Variants in PCED1B observed in about 807,000 individuals in gnomAD.
The protein encoded by PCED1B is PC-esterase domain-containing protein 1B.
For missense variants in PCED1B, 573 were observed against 573.9 expected, an observed-to-expected ratio of 1.00 and a Z score of 0.02; for synonymous variants, 251 against 246.1, an observed-to-expected ratio of 1.02 and a Z score of -0.19.
intron 2 of PCED1B, chr12:47,210,383 G>C (rs999556964): frequency 6.6e-6 from 1 of 152,210 alleles, no homozygotes; most frequent in African/African-American, 2.4e-5. Context: ...ATTGACATAT[G>C]ATTCAAAGAC....
intron 1 of PCED1B, among the ~76,000 whole-genome samples, chr12:47,085,335 G>C (rs1388926595): frequency 6.6e-6 from 1 of 152,208 alleles, no homozygotes; most frequent in African/African-American, 2.4e-5. Context: ...AGTTAGCACT[G>C]CCCTGGGCAG....
chr12:47,126,694 A>G (rs1005102024), intron 2 of PCED1B, among the ~76,000 whole-genome samples: 9 of 152,162 alleles, frequency 5.9e-5, no homozygotes, highest in Non-Finnish European at 8.8e-5. Flanking sequence ...AGAATTATTT[A>G]GGTTGTTTAT....
intron 2 of PCED1B, among the ~76,000 whole-genome samples, chr12:47,173,789 G>C: frequency 6.6e-6 from 1 of 152,162 alleles, no homozygotes. Flanking sequence ...TCTAAAAGGA[G>C]AGATTTCAGA....
chr12:47,193,873 ATTG>A (rs753613045), intron 2 of PCED1B, among the ~76,000 whole-genome samples: 4 of 152,166 alleles, frequency 2.6e-5, no homozygotes, highest in Non-Finnish European at 5.9e-5. Flanking sequence ...ATAACTGCAG[ATTG>A]TTGTTATTTT....
intron 2 of PCED1B, among the ~76,000 whole-genome samples, chr12:47,186,030 C>A (rs1942250061): frequency 6.6e-6 from 1 of 151,850 alleles, no homozygotes; most frequent in Non-Finnish European, 1.5e-5. Context: ...CCAGCCTGAC[C>A]AACATGGTGA....
intron 2 of PCED1B, among the ~76,000 whole-genome samples, chr12:47,188,122 G>T (rs1016106485): frequency 2.6e-4 from 39 of 152,140 alleles, no homozygotes; most frequent in African/African-American, 9.4e-4. Flanking sequence ...GCATTTTGTG[G>T]CTTTTAAAAA....
Position 47,232,352 on chromosome 12 carries a change from T to C in PCED1B, c.-57-2655T>C, listed in dbSNP as rs146460739. On this transcript the variant is annotated intron_variant, in intron 3 of 3. Coordinates refer to ENST00000546455, the MANE Select transcript of PCED1B (RefSeq NM_138371.3). ...AAATTCTTTGTGGGGAAGATGTCAA[T>C]ATTTTCAACTGTTCTCTTATGAAAC... Among the ~76,000 whole-genome samples, 19 of 152,344 alleles carry C rather than the reference T, an allele frequency of 1.2e-4. No homozygotes were observed. The East Asian group carries it at 3.7e-3, about 29-fold the overall frequency.
intron 2 of PCED1B, among the ~76,000 whole-genome samples, chr12:47,194,246 C>A (rs1341173923): frequency 6.6e-6 from 1 of 152,234 alleles, no homozygotes; most frequent in African/African-American, 2.4e-5. Flanking sequence ...ACGATCTCAG[C>A]TCACTGCAAC....
rs75292585 is a variant in PCED1B at position 47,139,251 on chromosome 12, A to G, written c.-526+35056A>G. Among the ~76,000 whole-genome samples the G allele has an allele frequency of 3.9e-3, 588 of 152,304 alleles. 3 individuals carry two copies. The highest frequency in any genetic ancestry group is 0.024 in the Middle Eastern group (7 of 294). On this transcript the variant is annotated intron_variant, in intron 2 of 3. Coordinates refer to ENST00000546455, the MANE Select transcript of PCED1B (RefSeq NM_138371.3). The stretch of plus-strand genomic sequence containing the variant: ...TGAGGATGTTAGACTAAATTAGATG[A>G]TTTCTAAGAACAACTTACATTTTAT...
intron 3 of PCED1B, among the ~76,000 whole-genome samples, chr12:47,230,547 G>T (rs1456138537): frequency 6.6e-6 from 1 of 151,208 alleles, no homozygotes. Flanking sequence ...AGGTTCAGGG[G>T]ATCTCCCGCC....
chr12:47,162,225 A>C (rs1941408444), intron 2 of PCED1B, among the ~76,000 whole-genome samples: 1 of 152,170 alleles, frequency 6.6e-6, no homozygotes, highest in Non-Finnish European at 1.5e-5. Flanking sequence ...ACAAACCTGC[A>C]CATTGTGCAC....
intron 2 of PCED1B, among the ~76,000 whole-genome samples, chr12:47,154,877 T>C (rs1941140755): frequency 1.3e-5 from 2 of 152,050 alleles, no homozygotes. Context: ...CCTGTAAAAT[T>C]ATATTCATTA....
At chr12:47,234,010 G>A (rs1208474052) in intron 3 of PCED1B, among the ~76,000 whole-genome samples, 3 of 151,920 alleles carry the variant, frequency 2.0e-5, no homozygotes, top group African/African-American at 7.3e-5. Flanking sequence ...TGTTTTCTGA[G>A]ACGGAGTTTC....
intron 2 of PCED1B, among the ~76,000 whole-genome samples, chr12:47,116,522 C>A (rs1006476890): frequency 9.9e-5 from 15 of 151,840 alleles, no homozygotes; most frequent in African/African-American, 3.4e-4. Flanking sequence ...CAAAAAACAC[C>A]ATCAGATAAG....
intron 1 of PCED1B, among the ~76,000 whole-genome samples, chr12:47,100,784 T>G (rs894860940): frequency 2.0e-5 from 3 of 152,170 alleles, no homozygotes; most frequent in African/African-American, 7.2e-5. Context: ...AGTTATTTGA[T>G]TGGCCAGGCA....
intron 2 of PCED1B, among the ~76,000 whole-genome samples, chr12:47,194,197 T>C (rs1170361172): frequency 6.6e-6 from 1 of 152,162 alleles, no homozygotes; most frequent in Non-Finnish European, 1.5e-5. Context: ...TATTTTGAGA[T>C]GGAGTCTCAC....
At chr12:47,172,830 A>G (rs1381963289) in intron 2 of PCED1B, among the ~76,000 whole-genome samples, 2 of 152,260 alleles carry the variant, frequency 1.3e-5, no homozygotes, top group Non-Finnish European at 2.9e-5. Context: ...TGCTCAGATC[A>G]GCTGCCTAGC....
Position 47,084,017 on chromosome 12 carries a change from A to G in PCED1B, c.-609+4292A>G, listed in dbSNP as rs1366087267. Among the ~76,000 whole-genome samples, 4 of 152,210 alleles carry G rather than the reference A, an allele frequency of 2.6e-5. No individual in the cohort carries two copies. In the East Asian group the frequency reaches 7.7e-4, roughly 29 times the overall value. ...AGTGATTGTTTAATATATTCACAATACTGTGCAACCATCACCACTATCTTA... is the reference window on the plus strand; with the variant it reads ...AGTGATTGTTTAATATATTCACAATGCTGTGCAACCATCACCACTATCTTA... On this transcript the variant is annotated intron_variant, in intron 1 of 3. Coordinates refer to ENST00000546455, the MANE Select transcript of PCED1B (RefSeq NM_138371.3).
intron 2 of PCED1B, among the ~76,000 whole-genome samples, chr12:47,125,934 A>G (rs753262353): frequency 5.3e-5 from 8 of 152,108 alleles, no homozygotes; most frequent in Admixed American, 4.6e-4. Context: ...ATATAAAGAT[A>G]TCTAGAAATA....
Sources: allele counts gnomAD v4.1 joint callset (sites outside exome capture counted in the v4.1 genomes callset), GRCh38; gene constraint gnomAD v4.1.1; transcripts MANE v1.5; gene names NCBI Gene and HGNC (gene_info 2026-07-23, HGNC 2026-07-21).